TTLL11: variants seen among roughly 807,000 people sequenced by gnomAD.
TTLL11 encodes the protein tubulin polyglutamylase TTLL11.
Under a neutral mutation model 51.7 loss-of-function variants are expected in TTLL11, and 42 were observed. The ratio of observed to expected loss-of-function variants is 0.81; its 90% CI spans 0.64 to 1.05. The LOEUF is 1.05. Among genes scored for constraint, TTLL11 ranks in the 50% least tolerant of loss-of-function variants. The pLI, the probability that TTLL11 is intolerant of heterozygous loss-of-function variation, is 0.00. For synonymous variants in TTLL11, 381 were observed against 383.5 expected, an observed-to-expected ratio of 0.99 and a Z score of 0.08; for missense variants, 799 against 940.4, an observed-to-expected ratio of 0.85 and a Z score of 1.97.
At chr9:122,043,736 C>T (rs548572270) in intron 1 of TTLL11, among the ~76,000 whole-genome samples, 53 of 152,078 alleles carry the variant, frequency 3.5e-4, no homozygotes, top group African/African-American at 1.1e-3. Flanking sequence ...AACTTTTTTT[C>T]ATCAAAAGAC....
chr9:121,825,655 C>G (rs902163869), intron 8 of TTLL11, among the ~76,000 whole-genome samples: 3 of 152,122 alleles, frequency 2.0e-5, no homozygotes. Flanking sequence ...AAATGCGAAT[C>G]CTGGGGTGGG....
intron 3 of TTLL11, among the ~76,000 whole-genome samples, chr9:122,029,111 T>C (rs1844443136): frequency 6.6e-6 from 1 of 152,220 alleles, no homozygotes; most frequent in Non-Finnish European, 1.5e-5. Flanking sequence ...GTGTTGCAGG[T>C]GTCAACAAAC....
intron 3 of TTLL11, among the ~76,000 whole-genome samples, chr9:121,996,735 A>G (rs1297242967): frequency 2.6e-5 from 4 of 152,238 alleles, no homozygotes; most frequent in African/African-American, 9.6e-5. Flanking sequence ...ATCTGAAGAA[A>G]TCTTTCAGAA....
chr9:121,825,371 C>T (rs1836720490), intron 8 of TTLL11, among the ~76,000 whole-genome samples: 1 of 152,186 alleles, frequency 6.6e-6, no homozygotes, highest in Non-Finnish European at 1.5e-5. Context: ...CTGACAGTGC[C>T]AAGCCCATGA....
intron 7 of TTLL11, among the ~76,000 whole-genome samples, chr9:121,863,477 T>C (rs1195295180): frequency 1.3e-5 from 2 of 152,216 alleles, no homozygotes; most frequent in Non-Finnish European, 2.9e-5. Flanking sequence ...TCATTTTTTT[T>C]CTGACAGGTA....
chr9:121,964,095 CT>C (rs1389396086), intron 6 of TTLL11, among the ~76,000 whole-genome samples: 3 of 151,720 alleles, frequency 2.0e-5, no homozygotes, highest in Non-Finnish European at 4.4e-5. Flanking sequence ...CCTTTCAAGA[CT>C]TCATGCATTC....
At chr9:122,064,560 G>T (rs1395036286) in intron 1 of TTLL11, among the ~76,000 whole-genome samples, 1 of 152,184 alleles carries the variant, frequency 6.6e-6, no homozygotes, top group Non-Finnish European at 1.5e-5. Flanking sequence ...TTTTACAGAT[G>T]AAACAAATTA....
intron 4 of TTLL11, among the ~76,000 whole-genome samples, chr9:121,988,206 C>A (rs778921875): frequency 3.9e-5 from 6 of 152,132 alleles, no homozygotes; most frequent in Non-Finnish European, 8.8e-5. Context: ...TCCATACCAC[C>A]ATCCTCTCCA....
At chr9:121,866,857 C>T (rs1838194530) in intron 7 of TTLL11, among the ~76,000 whole-genome samples, 2 of 152,082 alleles carry the variant, frequency 1.3e-5, no homozygotes, top group Admixed American at 6.5e-5. Context: ...CTCAGTGTCA[C>T]GGTCACCATG....
At chr9:121,971,084 C>T (rs1308011461) in intron 6 of TTLL11, among the ~76,000 whole-genome samples, 3 of 134,314 alleles carry the variant, frequency 2.2e-5, no homozygotes, top group South Asian at 2.5e-4. Context: ...GTCAGCCCCC[C>T]GCCCGGCCAG....
intron 8 of TTLL11, among the ~76,000 whole-genome samples, chr9:121,852,157 G>C (rs1285307353): frequency 1.3e-5 from 2 of 152,196 alleles, no homozygotes; most frequent in African/African-American, 2.4e-5. Flanking sequence ...CTGGGAGTGT[G>C]TGCACTGTGT....
chr9:122,014,268 G>A (rs932621798), intron 3 of TTLL11, among the ~76,000 whole-genome samples: 21 of 152,258 alleles, frequency 1.4e-4, no homozygotes, highest in Middle Eastern at 3.4e-3. Context: ...AGGAGGCTGA[G>A]GCAGGAAAAT....
chr9:121,896,307 G>A (rs1042724355), intron 6 of TTLL11, among the ~76,000 whole-genome samples: 1 of 152,160 alleles, frequency 6.6e-6, no homozygotes, highest in African/African-American at 2.4e-5. Flanking sequence ...CCCTTTCCGG[G>A]GCTAGGTGGC....
chr9:121,829,800 CACA>C (rs1286114354), intron 8 of TTLL11, among the ~76,000 whole-genome samples: 2 of 151,536 alleles, frequency 1.3e-5, no homozygotes, highest in African/African-American at 4.8e-5. Flanking sequence ...CACACACACA[CACA>C]CACACACACA....
At chr9:121,936,265 CT>C (rs879342434) in intron 6 of TTLL11, among the ~76,000 whole-genome samples, 207 of 82,004 alleles carry the variant, frequency 2.5e-3, no homozygotes, top group Admixed American at 2.7e-3. Context: ...TTCTTTCTTT[CT>C]TTTTTTTTTT....
chr9:121,886,978 G>A (rs1254418885), intron 6 of TTLL11, among the ~76,000 whole-genome samples: 3 of 152,120 alleles, frequency 2.0e-5, no homozygotes, highest in African/African-American at 4.8e-5. Flanking sequence ...GGATGAACGG[G>A]CAGCCAGCAG....
At chr9:121,838,794 A>AAGC (rs1837262878) in intron 8 of TTLL11, among the ~76,000 whole-genome samples, 1 of 143,070 alleles carries the variant, frequency 7.0e-6, no homozygotes, top group African/African-American at 2.8e-5. Context: ...GCAAGCAAGC[A>AAGC]AGCAAGCAAG....
chr9:122,091,442 GGGCCC>G (rs1290910715), intron 1 of TTLL11, among the ~76,000 whole-genome samples: 6 of 152,200 alleles, frequency 3.9e-5, no homozygotes. Flanking sequence ...CCAAGGCTGG[GGGCCC>G]AGACACTTGG....
chr9:121,926,895 C>T (rs1313969198), intron 6 of TTLL11, among the ~76,000 whole-genome samples: 4 of 152,168 alleles, frequency 2.6e-5, no homozygotes, highest in African/African-American at 9.7e-5. Flanking sequence ...CTCACAGGGC[C>T]AGCATGGTTG....
Sources: gnomAD v4.1 joint callset for allele counts (sites outside exome capture counted in the v4.1 genomes callset) on GRCh38, gnomAD v4.1.1 for gene constraint, MANE v1.5 for transcripts, NCBI Gene and HGNC (gene_info 2026-07-23, HGNC 2026-07-21) for gene names.